GIGYF2: variants seen among roughly 807,000 people sequenced by gnomAD.
The protein encoded by GIGYF2 is GRB10 interacting GYF protein 2.
In GIGYF2, 25 loss-of-function variants were observed where a neutral mutation model predicts 208.1. That is an observed-to-expected ratio of 0.12 (90% CI 0.09 to 0.17). GIGYF2 has a LOEUF of 0.17. Ranked by LOEUF, GIGYF2 falls within the 10% of genes least tolerant of loss-of-function variation. The pLI is 1.00. For synonymous variants in GIGYF2, 534 were observed against 543.8 expected (o/e 0.98, Z 0.25); for missense variants, 1,302 against 1,579.4 (o/e 0.82, Z 2.98).
intron 14 of GIGYF2, among the ~76,000 whole-genome samples, chr2:232,804,907 T>C (rs1481762523): frequency 3.3e-5 from 5 of 152,310 alleles, no homozygotes; most frequent in African/African-American, 1.2e-4. Context: ...GGAAGATTTC[T>C]GTTATTTTTC....
At position 232,733,464 on chromosome 2, in the gene GIGYF2, A is replaced by G. The variant is rs1394005732; in HGVS notation, c.-43-1691A>G. On this transcript the variant is annotated intron_variant, in intron 2 of 28. Coordinates refer to ENST00000373563, the MANE Select transcript of GIGYF2 (RefSeq NM_001103146.3). ...AATGAATAGCTGATTATGAAGGTTA[A>G]CACACTTTTACTTTGCTGTTTCTAA... Among the ~76,000 whole-genome samples the G allele has an allele frequency of 2.0e-5, 3 of 152,178 alleles. No individual in the cohort carries two copies. The East Asian group carries it at 5.8e-4, about 29-fold the overall frequency.
chr2:232,703,571 C>G (rs1574760339), intron 2 of GIGYF2, 82 bp downstream of exon 2: 1 of 152,590 alleles, frequency 6.6e-6, no homozygotes, highest in South Asian at 2.1e-4. Flanking sequence ...TATTTTTGCC[C>G]TATTATTTCT....
chr2:232,724,786 C>G (rs139329449), intron 2 of GIGYF2: 3 of 152,108 alleles, frequency 2.0e-5, no homozygotes, highest in African/African-American at 7.2e-5. Flanking sequence ...CTTCTGACCT[C>G]GAGTAATCCT....
At chr2:232,766,096 A>G (rs1698951984) in intron 8 of GIGYF2, 1 of 441,238 alleles carries the variant, frequency 2.3e-6, no homozygotes, top group African/African-American at 2.0e-5. Flanking sequence ...TCTATAGAAA[A>G]CCTAATCCTT....
chr2:232,806,923 T>C lies in GIGYF2; in HGVS notation c.1806+266T>C, dbSNP rs1700578714. ...TCCTTCAGTAGCATTCCAGCAGATG[T>C]AGAATGAAGACCAACATCTTATCCT... On this transcript the variant is annotated intron_variant, in intron 15 of 28. Transcript: ENST00000373563. This position sits in a 1 kb window ranked among gnomAD's most constrained non-coding sequence, Gnocchi z 4.0. 1.3e-5 allele frequency among the ~76,000 whole-genome samples: 2 copies of C among 152,160 alleles called. No individual in the cohort carries two copies. Among genetic ancestry groups the C allele is most frequent in the African/African-American group, 2.4e-5 (1 of 41,442 alleles).
At chr2:232,700,844 G>T (rs533345854) in intron 1 of GIGYF2, among the ~76,000 whole-genome samples, 2 of 152,058 alleles carry the variant, frequency 1.3e-5, no homozygotes, top group Non-Finnish European at 2.9e-5. Context: ...AAATGAAAAA[G>T]AAATAGAAGT....
chr2:232,702,589 C>T (rs1253078066), intron 1 of GIGYF2, among the ~76,000 whole-genome samples: 1 of 152,106 alleles, frequency 6.6e-6, no homozygotes, highest in African/African-American at 2.4e-5. Flanking sequence ...TTTGAAGATA[C>T]TATACTTCAA....
chr2:232,783,647 T>C (rs537076882), intron 8 of GIGYF2, among the ~76,000 whole-genome samples: 3 of 143,658 alleles, frequency 2.1e-5, no homozygotes, highest in East Asian at 5.2e-4. Flanking sequence ...CAAAATAATT[T>C]CTTTTTTTTT....
chr2:232,833,320 A>G (rs1425407361), intron 22 of GIGYF2, among the ~76,000 whole-genome samples: 3 of 152,130 alleles, frequency 2.0e-5, no homozygotes, highest in Admixed American at 6.5e-5. Context: ...TGGGCAGCTC[A>G]TATGATCCTC....
intron 20 of GIGYF2, 47 bp downstream of exon 20, chr2:232,817,079 C>T (rs1026931035): frequency 1.5e-6 from 2 of 1,369,566 alleles, no homozygotes; most frequent in Non-Finnish European, 2.1e-6. Context: ...TTGATGAGGG[C>T]TTTCAGGCTG....
chr2:232,744,985 G>A (rs1490197194), intron 3 of GIGYF2, among the ~76,000 whole-genome samples: 4 of 152,120 alleles, frequency 2.6e-5, no homozygotes, highest in South Asian at 2.1e-4. Context: ...GCTAGTTCAC[G>A]TGTGAAATTT....
chr2:232,768,712 T>C, intron 8 of GIGYF2: 2 of 1,603,148 alleles, frequency 1.2e-6, no homozygotes, highest in Non-Finnish European at 1.7e-6. Context: ...ACTTGGAAGA[T>C]AAGATTAGGT....
intron 5 of GIGYF2, among the ~76,000 whole-genome samples, chr2:232,754,273 TACA>T (rs2053939556): frequency 6.6e-6 from 1 of 151,950 alleles, no homozygotes; most frequent in Admixed American, 6.6e-5. Context: ...GATTGGCTAA[TACA>T]TAGATGGCTT....
chr2:232,758,735 T>C (rs959108014), intron 6 of GIGYF2, among the ~76,000 whole-genome samples: 1 of 152,212 alleles, frequency 6.6e-6, no homozygotes, highest in Non-Finnish European at 1.5e-5. Context: ...TTTATATTTA[T>C]ATGTTTCTGG....
intron 3 of GIGYF2, among the ~76,000 whole-genome samples, chr2:232,740,954 C>T (rs1697947126): frequency 6.6e-6 from 1 of 152,106 alleles, no homozygotes; most frequent in African/African-American, 2.4e-5. Context: ...CAAATGCTTG[C>T]TGTGTTTTAT....
chr2:232,851,601 G>A (rs1314502877), intron 28 of GIGYF2, among the ~76,000 whole-genome samples: 1 of 152,086 alleles, frequency 6.6e-6, no homozygotes, highest in Non-Finnish European at 1.5e-5. Context: ...TGTATTTTTA[G>A]TAGAGAGGGG....
At chr2:232,795,155 T>G (rs1411558402) in intron 13 of GIGYF2, among the ~76,000 whole-genome samples, 1 of 152,252 alleles carries the variant, frequency 6.6e-6, no homozygotes, top group Non-Finnish European at 1.5e-5. Flanking sequence ...GTCAGGTTAT[T>G]TTTTGCTCTT....
At chr2:232,844,280 G>A (rs1171642664) in intron 24 of GIGYF2, 25 bp downstream of exon 24, 4 of 1,607,708 alleles carry the variant, frequency 2.5e-6, no homozygotes, top group East Asian at 4.5e-5. Flanking sequence ...CTAAGCTGTC[G>A]TTGTATGGAC....
Position 232,796,109 on chromosome 2 carries a change from T to C in GIGYF2, c.1527T>C (p.Asp509=), listed in dbSNP as rs541505484. Residue 509 remains aspartate, a synonymous_variant, in exon 14 of 29, where the codon GAT becomes GAC. Transcript: ENST00000373563. ...VAYLQDSALD[D]ERLASKLQEH... ...ATCTCCAAGACAGTGCACTAGATGA[T>C]GAAAGATTGGCATCAAAACTGCAAG... The C allele has an allele frequency of 6.2e-7, 1 of 1,609,664 alleles. No homozygotes were observed. The highest frequency in any genetic ancestry group is 2.2e-5 in the East Asian group (1 of 44,826).
Sources: allele counts gnomAD v4.1 joint callset (sites outside exome capture counted in the v4.1 genomes callset), GRCh38; gene constraint gnomAD v4.1.1; non-coding constraint Gnocchi (gnomAD v3.1); transcripts MANE v1.5; gene names NCBI Gene and HGNC (gene_info 2026-07-23, HGNC 2026-07-21).